Variants in ADGRE1 observed in about 807,000 individuals in gnomAD.
ADGRE1 encodes adhesion G protein-coupled receptor E1, also known as EGF-like module receptor 1.
Under a neutral mutation model 102.7 loss-of-function variants are expected in ADGRE1, and 82 were observed. The ratio of observed to expected loss-of-function variants is 0.80; its 90% CI spans 0.67 to 0.96. The LOEUF is 0.96. ADGRE1 is among the 40% of genes least tolerant of loss of function. ADGRE1 has a pLI of 0.00. For synonymous variants in ADGRE1, 398 were observed against 399.6 expected (o/e 1.00, Z 0.05); for missense variants, 1,032 against 1,085.3 (o/e 0.95, Z 0.69).
intron 12 of ADGRE1, among the ~76,000 whole-genome samples, chr19:6,918,521 G>A (rs990644773): frequency 6.6e-6 from 1 of 152,122 alleles, no homozygotes; most frequent in Admixed American, 6.5e-5. Context: ...AAGCCTGGGG[G>A]TTGGTACTGT....
chr19:6,936,672 G>C (rs1056763935), intron 18 of ADGRE1, among the ~76,000 whole-genome samples: 8 of 149,542 alleles, frequency 5.3e-5, no homozygotes, highest in Non-Finnish European at 8.9e-5. Flanking sequence ...GCCCAGGCTA[G>C]AGGGCATTGG....
At chr19:6,893,226 T>C (rs1973439173) in intron 2 of ADGRE1, among the ~76,000 whole-genome samples, 1 of 152,140 alleles carries the variant, frequency 6.6e-6, no homozygotes, top group South Asian at 2.1e-4. Flanking sequence ...AGACGGAGTT[T>C]TGCTCTTGTT....
At chr19:6,901,310 C>T (rs1005041800) in intron 5 of ADGRE1, among the ~76,000 whole-genome samples, 5 of 152,160 alleles carry the variant, frequency 3.3e-5, no homozygotes, top group African/African-American at 1.2e-4. Flanking sequence ...TCATTTCTCT[C>T]CCATTTGGTC....
At position 6,940,232 on chromosome 19, in the gene ADGRE1, G is replaced by A. The variant is rs1568369812; in HGVS notation, c.*203G>A. 3.2e-6 allele frequency: 2 copies of A among 620,548 alleles called. No homozygotes were observed. The highest frequency in any genetic ancestry group is 5.6e-6 in the Non-Finnish European group (2 of 355,880). The allele number at this position is 620,548 out of a possible 1,614,324, so 38.4% of individuals were successfully genotyped here. On this transcript the variant is annotated 3_prime_UTR_variant, in exon 21 of 21. Transcript: ENST00000312053. ...GAAATCAGGCGTTTCTGCTCCAAAC[G>A]ACCATTTTATCTTCGTGCTCTGCAA... is the stretch of plus-strand genomic sequence containing the variant.
chr19:6,930,075 C>T lies in ADGRE1; in HGVS notation c.2289+1864C>T, dbSNP rs547490123. 2.0e-5 allele frequency among the ~76,000 whole-genome samples: 3 copies of T among 152,304 alleles called. 1 individual carries two copies. In the South Asian group the frequency reaches 6.2e-4, roughly 32 times the overall value. ...TAGCTCGATTCTACCGGCTGCTCTC[C>T]ATTAGAAAAGAAAATGATTTGGGAG... On this transcript the variant is annotated intron_variant, in intron 17 of 20. Coordinates refer to ENST00000312053, the MANE Select transcript of ADGRE1 (RefSeq NM_001974.5).
chr19:6,906,549 T>C (rs1267075130), intron 9 of ADGRE1, 28 bp downstream of exon 9: 1 of 1,602,260 alleles, frequency 6.2e-7, no homozygotes, highest in African/African-American at 1.3e-5. Context: ...TTCCTAGTTT[T>C]TGAGGTTTTC....
intron 8 of ADGRE1, among the ~76,000 whole-genome samples, chr19:6,904,798 G>A (rs535858048): frequency 5.9e-5 from 9 of 152,218 alleles, no homozygotes; most frequent in Non-Finnish European, 7.4e-5. Context: ...GAGCCACTGC[G>A]CCTGGCCAAA....
At position 6,891,423 on chromosome 19, in the gene ADGRE1, G is replaced by A. The variant is rs554189561; in HGVS notation, c.94+880G>A. ...TCTTCTTTGGGCAACTTAGCAACTTGGTCTATATTGTGTTAACAGCTCATC... is the reference window on the plus strand; with the variant it reads ...TCTTCTTTGGGCAACTTAGCAACTTAGTCTATATTGTGTTAACAGCTCATC... On this transcript the variant is annotated intron_variant, in intron 2 of 20. Transcript: ENST00000312053. 6.7e-4 allele frequency among the ~76,000 whole-genome samples: 102 copies of A among 151,384 alleles called. 5 individuals carry two copies. In the South Asian group the frequency reaches 0.019, roughly 28 times the overall value.
chr19:6,930,514 G>T (rs909180989), intron 17 of ADGRE1, among the ~76,000 whole-genome samples: 2 of 152,152 alleles, frequency 1.3e-5, no homozygotes, highest in Non-Finnish European at 2.9e-5. Flanking sequence ...TTTCATACAG[G>T]CACAGAATAC....
At chr19:6,936,530 T>A (rs545013413) in intron 18 of ADGRE1, among the ~76,000 whole-genome samples, 1 of 151,582 alleles carries the variant, frequency 6.6e-6, no homozygotes, top group East Asian at 1.9e-4. Flanking sequence ...TCAGATGAAA[T>A]TCACCATTTT....
intron 8 of ADGRE1, among the ~76,000 whole-genome samples, chr19:6,904,446 T>C (rs968082294): frequency 3.3e-5 from 5 of 152,012 alleles, no homozygotes; most frequent in Admixed American, 6.6e-5. Context: ...TTGTAGCTTA[T>C]AGTCTAGGGA....
At position 6,906,409 on chromosome 19, in the gene ADGRE1, T is replaced by C. The variant is rs1465297224; in HGVS notation, c.950-24T>C. 3.8e-6 allele frequency: 6 copies of C among 1,589,372 alleles called. No individual in the cohort carries two copies. In the African/African-American group the frequency reaches 8.1e-5, roughly 21 times the overall value. ...ATTTTGCTGAGGTTGAAGTTTGGTTTGGTTGCTGTTGTTTTCTTCCTAGGG... is the reference window on the plus strand; with the variant it reads ...ATTTTGCTGAGGTTGAAGTTTGGTTCGGTTGCTGTTGTTTTCTTCCTAGGG... On this transcript the variant is annotated intron_variant, in intron 8 of 20. Transcript: ENST00000312053.
Position 6,940,286 on chromosome 19 carries a change from A to C in ADGRE1, c.*257A>C. 1 of 571,892 alleles carries C rather than the reference A, an allele frequency of 1.7e-6. No homozygotes were observed. The allele number at this position is 571,892 out of a possible 1,614,324, so 35.4% of individuals were successfully genotyped here. ...CTTCAATTCCAGAGTTTCTGAGAAC[A>C]GACCCAAATTCAATGGCATGACCAA... On this transcript the variant is annotated 3_prime_UTR_variant, in exon 21 of 21. Transcript: ENST00000312053.
intron 8 of ADGRE1, 61 bp downstream of exon 8, chr19:6,904,243 C>A: frequency 1.3e-6 from 2 of 1,588,358 alleles, no homozygotes; most frequent in South Asian, 1.1e-5. Context: ...TTGGAAAATT[C>A]TCATTCTACC....
At position 6,901,926 on chromosome 19, in the gene ADGRE1, A is replaced by G. The variant is rs371679836; in HGVS notation, c.566A>G (p.Asn189Ser). 6.2e-7 allele frequency: 1 copy of G among 1,614,102 alleles called. No homozygotes were observed. The highest frequency in any genetic ancestry group is 1.3e-5 in the African/African-American group (1 of 74,938). Residue 189 changes from asparagine to serine, a missense_variant, in exon 6 of 21, where the codon AAT (asparagine) becomes AGT (serine). Coordinates refer to ENST00000312053, the MANE Select transcript of ADGRE1 (RefSeq NM_001974.5). ...GCTTGCCCAGAGCATGCAACTTGTA[A>G]TAACACTGTTGGAAACTACTCTTGT... Reference protein sequence around the residue: ...PRACPEHATCNNTVGNYSCFC... With the variant: ...PRACPEHATCSNTVGNYSCFC...
Position 6,934,984 on chromosome 19 carries a change from C to A in ADGRE1, c.2290-3C>A. On this transcript the variant is annotated splice_region_variant and splice_polypyrimidine_tract_variant and intron_variant, in intron 17 of 20. Coordinates refer to ENST00000312053, the MANE Select transcript of ADGRE1 (RefSeq NM_001974.5). ...CTCTCCATCCTTCTGCTTGACTTTG[C>A]AGATCAACTCCCTTCTCCTGACCTG... is the stretch of plus-strand genomic sequence containing the variant. 1 of 1,571,260 alleles carries A rather than the reference C, an allele frequency of 6.4e-7. No individual in the cohort carries two copies. The highest frequency in any genetic ancestry group is 8.6e-7 in the Non-Finnish European group (1 of 1,157,704).
In ADGRE1 at chr19:6,924,778, G is replaced by A. The variant is rs376623069; in HGVS notation, c.1892G>A (p.Arg631Gln). 3.2e-5 allele frequency: 51 copies of A among 1,613,952 alleles called. No homozygotes were observed. Among genetic ancestry groups the A allele is most frequent in the East Asian group, 1.8e-4 (8 of 44,876 alleles). ...IATFLLCRSI[R>Q]NHNTYLHLHL... Reference sequence around the variant, plus strand: ...ACCTTTCTGCTGTGTCGCTCCATCCGAAATCACAACACCTACCTCCACCTG... The same window carrying A: ...ACCTTTCTGCTGTGTCGCTCCATCCAAAATCACAACACCTACCTCCACCTG... The change falls in exon 15 of 21, where the codon CGA becomes CAA. Residue 631 changes from arginine to glutamine, a missense_variant. Arg to Gln is a conservative substitution (Grantham distance 43, BLOSUM62 1). Transcript: ENST00000312053.
intron 17 of ADGRE1, chr19:6,928,628 C>CA (rs59912462): frequency 0.016 from 2,623 of 160,032 alleles, 39 homozygotes; most frequent in African/African-American, 0.035. Context: ...AACTCCGTCT[C>CA]AAAAAAAAAA....
intron 11 of ADGRE1, among the ~76,000 whole-genome samples, chr19:6,915,714 G>A (rs971968460): frequency 6.6e-6 from 1 of 152,022 alleles, no homozygotes; most frequent in Admixed American, 6.6e-5. Context: ...AAGGTCAGGA[G>A]ATCGAGACCA....
Sources: gnomAD v4.1 joint callset for allele counts (sites outside exome capture counted in the v4.1 genomes callset) on GRCh38, gnomAD v4.1.1 for gene constraint, MANE v1.5 for transcripts, NCBI Gene and HGNC (gene_info 2026-07-23, HGNC 2026-07-21) for gene names.